Variants in CD82 observed in about 807,000 individuals in gnomAD.
CD82 encodes the protein CD82 molecule.
Under a neutral mutation model 37.4 loss-of-function variants are expected in CD82, and 36 were observed. The observed-to-expected ratio is 0.96, with a 90% CI of 0.74 to 1.27. The LOEUF (loss-of-function observed/expected upper bound fraction) is 1.27, where lower values mean the gene tolerates loss of function less well. Ranked by LOEUF, CD82 falls within the 50% of genes most tolerant of loss-of-function variation. The pLI is 0.00. For synonymous variants in CD82, 158 were observed against 137.4 expected (o/e 1.15, Z -1.05); for missense variants, 340 against 347.0 (o/e 0.98, Z 0.16).
At position 44,577,083 on chromosome 11, in the gene CD82, C is replaced by T. The variant is rs560652758; in HGVS notation, c.-102-10392C>T. ...CCAGGAAGGGCTGGCCTGGGATCTT[C>T]GCTGTTGGCCAAGAACCCATGGGGA... On this transcript the variant is annotated intron_variant, in intron 1 of 9. Coordinates refer to ENST00000227155, the MANE Select transcript of CD82 (RefSeq NM_002231.4). Among the ~76,000 whole-genome samples, 13 of 152,172 alleles carry T rather than the reference C, an allele frequency of 8.5e-5. No homozygotes were observed. In the East Asian group the frequency reaches 1.5e-3, roughly 18 times the overall value.
At chr11:44,610,249 G>C (rs1208984703) in intron 6 of CD82, among the ~76,000 whole-genome samples, 1 of 152,216 alleles carries the variant, frequency 6.6e-6, no homozygotes, top group Non-Finnish European at 1.5e-5. Context: ...CTTCGAGAGA[G>C]GGATTTGATT....
In CD82 at chr11:44,615,185, C is replaced by T. The variant is rs79803595; in HGVS notation, c.337-87C>T. ...CGTGTCCCAGGGTTGCTGAGGGGAA[C>T]GGGGGGAGGCAGTTTAAGTAGGGGT... On this transcript the variant is annotated intron_variant, in intron 6 of 9. Coordinates refer to ENST00000227155, the MANE Select transcript of CD82 (RefSeq NM_002231.4). 508 of 835,752 alleles carry T rather than the reference C, an allele frequency of 6.1e-4. 1 individual carries two copies. The East Asian group carries it at 7.1e-3, about 12-fold the overall frequency. 51.8% of individuals were successfully genotyped at this position (835,752 alleles called of 1,614,324 possible). A position where few individuals can be genotyped will look rare whatever the true frequency, so the allele number is the denominator to read the frequency against.
rs201294710 is a variant in CD82 at position 44,605,080 on chromosome 11, G to T, written c.159G>T (p.Arg53Ser). ...TAGAAACCTCCTCCAGCTCGCTTAG[G>T]ATGGGGGCCTATGTCTTCATCGGCG... ...SVLQTSSSSL[R>S]MGAYVFIGVG... Residue 53 changes from arginine to serine, a missense_variant, in exon 5 of 10, where the codon AGG becomes AGT. By Grantham distance (110) the Arg-to-Ser change is moderately radical. Transcript: ENST00000227155. The T allele has an allele frequency of 3.1e-6, 5 of 1,614,224 alleles. No homozygotes were observed. The African/African-American group carries it at 5.3e-5, about 17-fold the overall frequency.
intron 6 of CD82, among the ~76,000 whole-genome samples, chr11:44,612,916 C>T (rs894107586): frequency 6.6e-6 from 1 of 152,060 alleles, no homozygotes; most frequent in Non-Finnish European, 1.5e-5. Context: ...GAATTACATA[C>T]GTGAGCCACC....
At chr11:44,611,267 C>A (rs1853476889) in intron 6 of CD82, among the ~76,000 whole-genome samples, 1 of 152,362 alleles carries the variant, frequency 6.6e-6, no homozygotes, top group Admixed American at 6.5e-5. Context: ...CCAGAGCCAG[C>A]AGAAGGCTCA....
At position 44,597,303 on chromosome 11, in the gene CD82, C is replaced by T. The variant is rs1013186178; in HGVS notation, c.63+2578C>T. Among the ~76,000 whole-genome samples the T allele has an allele frequency of 1.3e-5, 2 of 152,224 alleles. No individual in the cohort carries two copies. Among genetic ancestry groups the T allele is most frequent in the Non-Finnish European group, 2.9e-5 (2 of 68,040 alleles). On this transcript the variant is annotated intron_variant, in intron 3 of 9. Transcript: ENST00000227155. This position sits in a 1 kb window ranked among gnomAD's most constrained non-coding sequence, Gnocchi z 4.1. ...GCTGTGGCTATGCTGGGGAAGGACGCTCACTGCTCTGAGGGTCCTGGCTCC... is the reference window on the plus strand; with the variant it reads ...GCTGTGGCTATGCTGGGGAAGGACGTTCACTGCTCTGAGGGTCCTGGCTCC...
intron 4 of CD82, 89 bp downstream of exon 4, chr11:44,600,319 C>T (rs569011124): frequency 1.6e-5 from 20 of 1,219,386 alleles, no homozygotes; most frequent in Non-Finnish European, 2.0e-5. Context: ...AGTGCTTCGG[C>T]TTCAATGCCT....
Position 44,619,190 on chromosome 11 carries a change from GC to G in CD82, c.*65del. The G allele has an allele frequency of 7.6e-7, 1 of 1,323,934 alleles. No homozygotes were observed. Among genetic ancestry groups the G allele is most frequent in the Admixed American group, 1.7e-5 (1 of 59,528 alleles). The allele number at this position is 1,323,934 out of a possible 1,614,324, so 82.0% of individuals were successfully genotyped here. On this transcript the variant is annotated 3_prime_UTR_variant, in exon 10 of 10. Transcript: ENST00000227155. Reference sequence around the variant, plus strand: ...CTCAGGGCTCCCAGGGGTCTCCCTGGCTCCCTCCTCCAGGCCTGCCTCCCAC... The same window carrying G: ...CTCAGGGCTCCCAGGGGTCTCCCTGGTCCCTCCTCCAGGCCTGCCTCCCAC...
rs1229293610 is a variant in CD82 at position 44,619,134 on chromosome 11, G to A, written c.*8G>A. On this transcript the variant is annotated 3_prime_UTR_variant, in exon 10 of 10. Coordinates refer to ENST00000227155, the MANE Select transcript of CD82 (RefSeq NM_002231.4). Reference sequence around the variant, plus strand: ...AAGGTCCCCAAGTACTGAGGCAGCTGCTATCCCCATCTCCCTGCCTGGCCC... The same window carrying A: ...AAGGTCCCCAAGTACTGAGGCAGCTACTATCCCCATCTCCCTGCCTGGCCC... The A allele has an allele frequency of 3.7e-6, 6 of 1,610,888 alleles. No homozygotes were observed. The highest frequency in any genetic ancestry group is 4.2e-6 in the Non-Finnish European group (5 of 1,177,364).
chr11:44,586,639 G>C (rs1021531264), intron 1 of CD82, among the ~76,000 whole-genome samples: 2 of 152,186 alleles, frequency 1.3e-5, no homozygotes, highest in African/African-American at 4.8e-5. Context: ...CTTGGTGACA[G>C]AGCAGAGTGA....
At chr11:44,601,114 C>T (rs1164402271) in intron 4 of CD82, among the ~76,000 whole-genome samples, 1 of 152,118 alleles carries the variant, frequency 6.6e-6, no homozygotes, top group Non-Finnish European at 1.5e-5. Context: ...GAGGGAGGCA[C>T]AGCGGAAGCC....
In CD82 at chr11:44,600,165, G is replaced by A. The variant is rs1853286873; in HGVS notation, c.71G>A (p.Gly24Asp). 6.2e-7 allele frequency: 1 copy of A among 1,614,092 alleles called. No individual in the cohort carries two copies. The change falls in exon 4 of 10, where the codon GGC becomes GAC. Residue 24 changes from glycine (G) to aspartate (D), a missense_variant. Physicochemically the swap from Gly to Asp is moderately conservative, Grantham distance 94. Transcript: ENST00000227155. ...FLFNLIFFILGAVILGFGVWI... is the reference protein window; with the variant it reads ...FLFNLIFFILDAVILGFGVWI... The stretch of plus-strand genomic sequence containing the variant: ...GCTCCCTTCTCCTTCCAGATCCTGG[G>A]CGCAGTGATCCTGGGCTTCGGGGTG...
intron 1 of CD82, 78 bp downstream of exon 1, chr11:44,565,814 G>A (rs71490071): frequency 0.042 from 6,381 of 152,406 alleles, 198 homozygotes; most frequent in Middle Eastern, 0.085. Flanking sequence ...CGCTTCTGCG[G>A]TCCGGCTCGG....
chr11:44,608,778 T>G (rs1231381659), intron 6 of CD82, among the ~76,000 whole-genome samples: 1 of 152,252 alleles, frequency 6.6e-6, no homozygotes, highest in African/African-American at 2.4e-5. Flanking sequence ...TGAGACTCAC[T>G]GCAGGCTGCT....
upstream of CD82, among the ~76,000 whole-genome samples, chr11:44,565,429 A>G (rs1216235456): frequency 6.7e-6 from 1 of 149,646 alleles, no homozygotes. Flanking sequence ...GGGATAGAGG[A>G]GAGACTCCGT....
At chr11:44,595,519 T>C (rs1470816125) in intron 3 of CD82, among the ~76,000 whole-genome samples, 1 of 152,102 alleles carries the variant, frequency 6.6e-6, no homozygotes, top group East Asian at 1.9e-4. Context: ...AAAATCAGGT[T>C]GTACAGTAGG....
intron 1 of CD82, among the ~76,000 whole-genome samples, chr11:44,572,846 G>T (rs2134618170): frequency 6.6e-6 from 1 of 152,362 alleles, no homozygotes; most frequent in East Asian, 1.9e-4. Context: ...GCCGGTGGAA[G>T]AAGGTGGCTT....
At chr11:44,586,635 G>C (rs1166227187) in intron 1 of CD82, among the ~76,000 whole-genome samples, 1 of 152,158 alleles carries the variant, frequency 6.6e-6, no homozygotes, top group African/African-American at 2.4e-5. Context: ...CAGCCTTGGT[G>C]ACAGAGCAGA....
At chr11:44,590,373 C>G (rs552873998) in intron 2 of CD82, among the ~76,000 whole-genome samples, 2 of 151,488 alleles carry the variant, frequency 1.3e-5, no homozygotes, top group African/African-American at 4.8e-5. Context: ...CTTTAGGAGG[C>G]CGAGGCAGGT....
Sources: gnomAD v4.1 joint callset for allele counts (sites outside exome capture counted in the v4.1 genomes callset) on GRCh38, gnomAD v4.1.1 for gene constraint, Gnocchi (gnomAD v3.1) non-coding constraint, MANE v1.5 for transcripts, NCBI Gene and HGNC (gene_info 2026-07-23, HGNC 2026-07-21) for gene names.